Variants in BABAM2 observed in about 807,000 individuals in gnomAD.
BABAM2 encodes BRISC and BRCA1-A complex member 2.
Under a neutral mutation model 54.7 loss-of-function variants are expected in BABAM2, and 31 were observed. The observed-to-expected ratio is 0.57, with a 90% CI of 0.43 to 0.77. The LOEUF is 0.77. Ranked by LOEUF, BABAM2 falls within the 30% of genes least tolerant of loss-of-function variation. The probability of loss-of-function intolerance (pLI) is 0.00; values close to 1 mark genes in which losing one functional copy is unlikely to be tolerated. For synonymous variants in BABAM2, 167 were observed against 162.9 expected (o/e 1.03, Z -0.19); for missense variants, 364 against 455.8 (o/e 0.80, Z 1.83).
At chr2:28,090,420 T>G (rs1437736758) in intron 6 of BABAM2, among the ~76,000 whole-genome samples, 1 of 152,038 alleles carries the variant, frequency 6.6e-6, no homozygotes, top group East Asian at 1.9e-4. Flanking sequence ...AAGTTTTGTA[T>G]TTTTAGTAGA....
chr2:28,203,779 A>G (rs1226402876), intron 7 of BABAM2, among the ~76,000 whole-genome samples: 4 of 152,160 alleles, frequency 2.6e-5, no homozygotes, highest in Admixed American at 2.0e-4. Context: ...GTGGGGTTCC[A>G]TAGCAGGCAT....
At chr2:28,321,540 G>A (rs1412289390) in intron 11 of BABAM2, among the ~76,000 whole-genome samples, 7 of 152,116 alleles carry the variant, frequency 4.6e-5, no homozygotes, top group Non-Finnish European at 8.8e-5. Flanking sequence ...ATGAGGCTGT[G>A]TCACCACTAG....
chr2:28,335,266 T>C (rs534588327), intron 11 of BABAM2, among the ~76,000 whole-genome samples: 3 of 145,410 alleles, frequency 2.1e-5, no homozygotes, highest in African/African-American at 7.8e-5. Flanking sequence ...GCCTCCCGGG[T>C]TCAAGCGATT....
chr2:28,174,686 G>C (rs1253168981), intron 7 of BABAM2, among the ~76,000 whole-genome samples: 4 of 152,202 alleles, frequency 2.6e-5, no homozygotes, highest in African/African-American at 9.7e-5. Context: ...CTAACATGGG[G>C]AGCTGCCTTG....
At chr2:28,186,330 G>A (rs146654762) in intron 7 of BABAM2, among the ~76,000 whole-genome samples, 134 of 152,270 alleles carry the variant, frequency 8.8e-4, no homozygotes, top group Non-Finnish European at 1.5e-3. Context: ...TCACTTCACA[G>A]TCCCCATGTC....
intron 6 of BABAM2, among the ~76,000 whole-genome samples, chr2:28,098,007 C>T (rs1269633317): frequency 3.3e-5 from 5 of 152,114 alleles, no homozygotes; most frequent in African/African-American, 4.8e-5. Context: ...TTTAAAATTT[C>T]GTAGTTTGAA....
intron 10 of BABAM2, among the ~76,000 whole-genome samples, chr2:28,273,244 A>G (rs968573547): frequency 6.6e-6 from 1 of 152,122 alleles, no homozygotes; most frequent in Non-Finnish European, 1.5e-5. Flanking sequence ...TAGGTACCAC[A>G]TTGTACAGTG....
At chr2:28,243,563 C>T (rs904995115) in intron 9 of BABAM2, among the ~76,000 whole-genome samples, 2 of 150,588 alleles carry the variant, frequency 1.3e-5, no homozygotes, top group African/African-American at 2.4e-5. Flanking sequence ...AAAAATTAGC[C>T]GGGCATAGTG....
At chr2:27,898,723 C>T (rs190128332) in intron 2 of BABAM2, among the ~76,000 whole-genome samples, 5 of 152,190 alleles carry the variant, frequency 3.3e-5, no homozygotes, top group African/African-American at 9.6e-5. Context: ...GTTTATGTGA[C>T]GTGTCTAGAA....
At chr2:27,898,384 AAAG>A (rs763512805) in intron 2 of BABAM2, among the ~76,000 whole-genome samples, 1 of 152,164 alleles carries the variant, frequency 6.6e-6, no homozygotes, top group Non-Finnish European at 1.5e-5. Context: ...AGCTTGGAGA[AAAG>A]AAGGCATTTC....
At chr2:28,147,622 C>T (rs184053565) in intron 7 of BABAM2, among the ~76,000 whole-genome samples, 2,028 of 151,932 alleles carry the variant, frequency 0.013, 44 homozygotes, top group African/African-American at 0.047. Context: ...TACAGGCGCC[C>T]GCCACCACGC....
intron 11 of BABAM2, among the ~76,000 whole-genome samples, chr2:28,306,869 T>C (rs923291963): frequency 1.8e-4 from 27 of 150,756 alleles, no homozygotes; most frequent in African/African-American, 5.6e-4. Flanking sequence ...GGCTAATTTT[T>C]GTATTTTTAG....
chr2:27,911,455 A>G (rs1281260612), intron 2 of BABAM2, among the ~76,000 whole-genome samples: 3 of 152,166 alleles, frequency 2.0e-5, no homozygotes, highest in Non-Finnish European at 4.4e-5. Flanking sequence ...AAGGGAAAGA[A>G]GGAAGACAGA....
At chr2:28,310,100 T>C in intron 11 of BABAM2, 2 of 1,614,162 alleles carry the variant, frequency 1.2e-6, no homozygotes, top group Non-Finnish European at 1.7e-6. Context: ...GCAACAGAGA[T>C]GGGGAGGAAT....
intron 4 of BABAM2, chr2:28,016,489 G>A (rs1333750158): frequency 9.1e-7 from 1 of 1,094,628 alleles, no homozygotes; most frequent in Non-Finnish European, 1.4e-6. Flanking sequence ...CCATGGTGCT[G>A]GGCTGAGCAC....
chr2:28,127,460 T>C (rs1669654773), intron 6 of BABAM2, among the ~76,000 whole-genome samples: 3 of 151,892 alleles, frequency 2.0e-5, no homozygotes, highest in Admixed American at 2.0e-4. Context: ...GAGAAGGGAA[T>C]AGAGAGTGTG....
At chr2:27,969,493 G>A (rs1467502423) in intron 3 of BABAM2, among the ~76,000 whole-genome samples, 1 of 152,122 alleles carries the variant, frequency 6.6e-6, no homozygotes, top group South Asian at 2.1e-4. Flanking sequence ...GAAGGGCAAG[G>A]AAGTTGTTTA....
chr2:28,114,418 A>G (rs889841162), intron 6 of BABAM2, among the ~76,000 whole-genome samples: 3 of 152,198 alleles, frequency 2.0e-5, no homozygotes, highest in African/African-American at 7.2e-5. Context: ...TATAGAAACA[A>G]CTGAGGAGTT....
At chr2:28,126,313 T>A (rs1186753211) in intron 6 of BABAM2, among the ~76,000 whole-genome samples, 1 of 112,332 alleles carries the variant, frequency 8.9e-6, no homozygotes, top group African/African-American at 3.5e-5. Context: ...CCCACAACAG[T>A]CCCCAGAGTG....
Sources: gnomAD v4.1 joint callset for allele counts (sites outside exome capture counted in the v4.1 genomes callset) on GRCh38, gnomAD v4.1.1 for gene constraint, MANE v1.5 for transcripts, NCBI Gene and HGNC (gene_info 2026-07-23, HGNC 2026-07-21) for gene names.